LINGO1: variants seen among roughly 807,000 people sequenced by gnomAD.
The protein encoded by LINGO1 is leucine rich repeat and Ig domain containing 1.
In LINGO1, 11 loss-of-function variants were observed where a neutral mutation model predicts 37.3. The observed-to-expected ratio is 0.29, with a 90% CI of 0.19 to 0.49. The LOEUF is 0.49. Ranked by LOEUF, LINGO1 falls within the 20% of genes least tolerant of loss-of-function variation. The pLI is 0.99. For synonymous variants in LINGO1, 387 were observed against 403.0 expected (o/e 0.96, Z 0.48); for missense variants, 585 against 878.2 (o/e 0.67, Z 4.22).
At chr15:77,737,840 T>A (rs1027267270) in intron 1 of LINGO1, among the ~76,000 whole-genome samples, 1 of 151,500 alleles carries the variant, frequency 6.6e-6, no homozygotes. Context: ...CCTCCAAGCA[T>A]CCGAGGCCCC....
intron 1 of LINGO1, among the ~76,000 whole-genome samples, chr15:77,630,327 G>A (rs1450825446): frequency 6.6e-6 from 1 of 152,170 alleles, no homozygotes; most frequent in African/African-American, 2.4e-5. Context: ...GATATCTGCG[G>A]CTGAAGGCGC....
intron 3 of LINGO1, among the ~76,000 whole-genome samples, chr15:77,665,850 ACCT>A (rs2075118002): frequency 6.6e-6 from 1 of 151,604 alleles, no homozygotes; most frequent in African/African-American, 2.4e-5. Context: ...GCCTAAAAAC[ACCT>A]CCTTTTCCTC....
At chr15:77,722,377 T>G (rs2076059677) in intron 2 of LINGO1, among the ~76,000 whole-genome samples, 1 of 152,136 alleles carries the variant, frequency 6.6e-6, no homozygotes, top group Non-Finnish European at 1.5e-5. Context: ...GGCAACCCTC[T>G]GGAGATGGCA....
At position 77,732,622 on chromosome 15, in the gene LINGO1, C is replaced by T. The variant is rs953052811; in HGVS notation, c.-195+2370G>A. On this transcript the variant is annotated intron_variant, in intron 2 of 3. Coordinates refer to the LINGO1 transcript ENST00000561686. ...GGAGTAGGCTTCACATGTGCAGTCC[C>T]GTCAGATGGGTGCTCGAGTGTGGCT... Among the ~76,000 whole-genome samples, 4 of 152,226 alleles carry T rather than the reference C, an allele frequency of 2.6e-5. No homozygotes were observed. The South Asian group carries it at 6.2e-4, about 24-fold the overall frequency.
chr15:77,615,599 T>C lies in LINGO1; in HGVS notation c.308A>G (p.Asn103Ser), dbSNP rs745669783. The C allele has an allele frequency of 8.7e-6, 14 of 1,611,652 alleles. No individual in the cohort carries two copies. The highest frequency in any genetic ancestry group is 1.2e-5 in the Non-Finnish European group (14 of 1,178,938). The stretch of plus-strand genomic sequence containing the variant: ...CTCCACGGCGCTCACGATGTTCTCG[T>C]TGAGCTCCAGCTCCTCCAGGTGCGG... ...SFPHLEELEL[N>S]ENIVSAVEPG... The change falls in exon 2 of 2, where the codon AAC becomes AGC. Residue 103 changes from asparagine to serine, a missense_variant. Asn to Ser is a conservative substitution (Grantham distance 46, BLOSUM62 1). Coordinates refer to ENST00000355300, the MANE Select transcript of LINGO1 (RefSeq NM_032808.7).
At chr15:77,712,297 G>A (rs1238866338) in intron 2 of LINGO1, among the ~76,000 whole-genome samples, 1 of 150,386 alleles carries the variant, frequency 6.6e-6, no homozygotes, top group Non-Finnish European at 1.5e-5. Flanking sequence ...AATCCTCACT[G>A]CACCGAGACC....
In LINGO1 at chr15:77,615,507, T is replaced by C. The variant is rs562802428; in HGVS notation, c.400A>G (p.Ile134Val). The C allele has an allele frequency of 6.2e-7, 1 of 1,613,972 alleles. No individual in the cohort carries two copies. The highest frequency in any genetic ancestry group is 1.7e-5 in the Admixed American group (1 of 60,024). Residue 134 changes from isoleucine (I) to valine (V), a missense_variant, in exon 2 of 2, where the codon ATC becomes GTC. Physicochemically the swap from Ile to Val is conservative, Grantham distance 29. This residue lies in a region of LINGO1 where 484 missense variants were observed against 735.0 expected (regional missense o/e 0.66). Coordinates refer to ENST00000355300, the MANE Select transcript of LINGO1 (RefSeq NM_032808.7). ...AGGCCAGTGAAGACGCCTAGCGGGA[T>C]GAGCTTCAGGCGGTTGCTGCGGAGA... ...LGLRSNRLKL[I>V]PLGVFTGLSN...
chr15:77,641,617 C>T (rs1484288528), intron 3 of LINGO1: 1 of 349,212 alleles, frequency 2.9e-6, no homozygotes. Context: ...CTACACCCTC[C>T]CCAATTACAG....
At chr15:77,654,695 G>A (rs76503673) in intron 3 of LINGO1, among the ~76,000 whole-genome samples, 9,740 of 152,180 alleles carry the variant, frequency 0.064, 1,043 homozygotes, top group African/African-American at 0.22. Flanking sequence ...GCTGGACAGC[G>A]CTGAGTTCTA....
At chr15:77,652,330 G>C (rs559837262) in intron 3 of LINGO1, 1 of 152,230 alleles carries the variant, frequency 6.6e-6, no homozygotes, top group South Asian at 2.1e-4. Flanking sequence ...GGGTAGAAGG[G>C]GGGTCTGTTC....
chr15:77,804,939 G>A (rs1250306709), intron 1 of LINGO1, among the ~76,000 whole-genome samples: 2 of 152,234 alleles, frequency 1.3e-5, no homozygotes, highest in Non-Finnish European at 2.9e-5. Flanking sequence ...GTGCTGAGAA[G>A]GGCTGGCAGC....
At chr15:77,741,394 A>C (rs2076262906) in intron 1 of LINGO1, among the ~76,000 whole-genome samples, 1 of 151,762 alleles carries the variant, frequency 6.6e-6, no homozygotes, top group African/African-American at 2.4e-5. Flanking sequence ...CAGGTTTTCT[A>C]CCCTCTGCCT....
chr15:77,632,317 TC>T lies in LINGO1; in HGVS notation c.-3del. 1 of 1,440,664 alleles carries T rather than the reference TC, an allele frequency of 6.9e-7. No homozygotes were observed. Among genetic ancestry groups the T allele is most frequent in the South Asian group, 1.4e-5 (1 of 72,512 alleles). The allele number at this position is 1,440,664 out of a possible 1,614,324, so 89.2% of individuals were successfully genotyped here. Reference sequence around the variant, plus strand: ...CGCGGCCGCCTGGCTCACCTGCATCTCGGGCGCGCCTTCGGTCCGCTCGGCT... The same window carrying T: ...CGCGGCCGCCTGGCTCACCTGCATCTGGGCGCGCCTTCGGTCCGCTCGGCT... On this transcript the variant is annotated 5_prime_UTR_variant, in exon 1 of 2. Transcript: ENST00000355300. The surrounding 1 kb of genome is among the most constrained non-coding windows in gnomAD (Gnocchi z 6.0).
intron 1 of LINGO1, among the ~76,000 whole-genome samples, chr15:77,694,975 T>C (rs1418535059): frequency 3.3e-5 from 5 of 151,762 alleles, no homozygotes; most frequent in Non-Finnish European, 7.4e-5. Context: ...CACTACATCA[T>C]ACACTGAACA....
rs2076566481 is a variant in LINGO1 at position 77,769,824 on chromosome 15, G to GA, written c.-257+17044_-257+17045insT. Among the ~76,000 whole-genome samples, 3 of 152,336 alleles carry GA rather than the reference G, an allele frequency of 2.0e-5. No homozygotes were observed. In the South Asian group the frequency reaches 6.2e-4, roughly 32 times the overall value. ...CAGCCATCAGCAAGTCTCTCCCGGT[G>GA]CGGGTACCTCACAAAGACCTGCCAT... On this transcript the variant is annotated intron_variant, in intron 1 of 3. Transcript: ENST00000561686.
intron 2 of LINGO1, among the ~76,000 whole-genome samples, chr15:77,733,311 G>T (rs1022650406): frequency 2.0e-5 from 3 of 152,224 alleles, no homozygotes; most frequent in Non-Finnish European, 4.4e-5. Flanking sequence ...CAGGAAGGAC[G>T]GACGTGCCCC....
In LINGO1 at chr15:77,641,392, T is replaced by C. The variant is rs114052543; in HGVS notation, c.-12-25492A>G. ...AAAACGAAGGAGGGCTCCTTAATAATTGATGGTGGGAGAGAGTAAATATCA... is the reference window on the plus strand; with the variant it reads ...AAAACGAAGGAGGGCTCCTTAATAACTGATGGTGGGAGAGAGTAAATATCA... On this transcript the variant is annotated intron_variant, in intron 3 of 3. Transcript: ENST00000559893. Among the ~76,000 whole-genome samples the C allele has an allele frequency of 7.9e-3, 1,206 of 152,262 alleles. 15 individuals are homozygous for C. Among genetic ancestry groups the C allele is most frequent in the African/African-American group, 0.028 (1,154 of 41,550 alleles).
At chr15:77,683,812 C>T (rs993634614) in intron 2 of LINGO1, among the ~76,000 whole-genome samples, 10 of 146,882 alleles carry the variant, frequency 6.8e-5, no homozygotes, top group Non-Finnish European at 1.3e-4. Context: ...TTTAATTTTG[C>T]TTGAGCAAAT....
At chr15:77,631,629 A>G (rs1004603184) in intron 1 of LINGO1, among the ~76,000 whole-genome samples, 6 of 150,966 alleles carry the variant, frequency 4.0e-5, no homozygotes, top group Non-Finnish European at 8.9e-5. Flanking sequence ...GCTGGTTCCC[A>G]CCTCCCACCC....
Sources: allele counts gnomAD v4.1 joint callset (sites outside exome capture counted in the v4.1 genomes callset), GRCh38; gene constraint gnomAD v4.1.1; regional missense constraint gnomAD v4.1.1; non-coding constraint Gnocchi (gnomAD v3.1); transcripts MANE v1.5; gene names NCBI Gene and HGNC (gene_info 2026-07-23, HGNC 2026-07-21).